The following BTBD1 variants were observed in gnomAD, a reference collection of about 807,000 sequenced individuals.
BTBD1 encodes BTB/POZ domain-containing protein 1.
Under a neutral mutation model 48.0 loss-of-function variants are expected in BTBD1, and 34 were observed. The ratio of observed to expected loss-of-function variants is 0.71; its 90% CI spans 0.54 to 0.94. The LOEUF (loss-of-function observed/expected upper bound fraction) is 0.94. BTBD1 is among the 40% of genes least tolerant of loss of function. The pLI, the probability that BTBD1 is intolerant of heterozygous loss-of-function variation, is 0.00. For synonymous variants in BTBD1, 261 were observed against 242.1 expected (o/e 1.08, Z -0.72); for missense variants, 543 against 625.6 (o/e 0.87, Z 1.41).
chr15:83,051,626 A>G (rs1208900643), intron 2 of BTBD1, among the ~76,000 whole-genome samples: 1 of 151,586 alleles, frequency 6.6e-6, no homozygotes. Flanking sequence ...TTTTAGCACT[A>G]AATAAAAAAT....
intron 4 of BTBD1, chr15:83,030,878 A>G (rs2032502893): frequency 6.6e-6 from 1 of 152,230 alleles, no homozygotes; most frequent in South Asian, 2.1e-4. Context: ...CCAACAAAGG[A>G]CTAATATCCA....
rs1202128521 is a variant in BTBD1, at chr15:83,030,171, G to A, written c.1020C>T (p.Ser340=). Residue 340 remains serine (S), a synonymous_variant, in exon 5 of 8, where the codon AGC becomes AGT. Transcript: ENST00000261721. ...CCINRFQQVE[S]RWGYSGTSDR... The stretch of plus-strand genomic sequence containing the variant: ...CACTCGTCCCACTGTAACCCCAGCG[G>A]CTTTCTACTTGCTGGAATCTATTGA... The A allele has an allele frequency of 3.7e-6, 6 of 1,613,828 alleles. No individual in the cohort carries two copies. The highest frequency in any genetic ancestry group is 1.3e-5 in the African/African-American group (1 of 74,836).
Position 83,067,075 on chromosome 15 carries a change from G to C in BTBD1, c.77C>G (p.Pro26Arg). 6.5e-7 allele frequency: 1 copy of C among 1,549,902 alleles called. No homozygotes were observed. Among genetic ancestry groups the C allele is most frequent in the Non-Finnish European group, 8.7e-7 (1 of 1,153,256 alleles). ...AEAEPGPAGP[P>R]PPPSPSSLGP... Reference sequence around the variant, plus strand: ...CAGAGAGGACGGTGAGGGCGGCGGCGGCGGCCCCGCGGGGCCCGGCTCCGC... The same window carrying C: ...CAGAGAGGACGGTGAGGGCGGCGGCCGCGGCCCCGCGGGGCCCGGCTCCGC... The change falls in exon 1 of 8, where the codon CCG becomes CGG. Residue 26 changes from proline to arginine, a missense_variant. Pro to Arg is a moderately radical substitution (Grantham distance 103). Coordinates refer to ENST00000261721, the MANE Select transcript of BTBD1 (RefSeq NM_025238.4).
At chr15:83,028,336 G>T (rs1245325792) in intron 5 of BTBD1, among the ~76,000 whole-genome samples, 1 of 152,150 alleles carries the variant, frequency 6.6e-6, no homozygotes. Context: ...TTGATCTGTT[G>T]TGAGAATTAT....
chr15:83,025,547 G>A (rs1029151134), intron 5 of BTBD1, among the ~76,000 whole-genome samples: 2 of 151,802 alleles, frequency 1.3e-5, no homozygotes, highest in African/African-American at 2.4e-5. Flanking sequence ...AGTTCTTACT[G>A]GGTTTAATCC....
chr15:83,020,819 AG>A (rs2032280561), intron 5 of BTBD1, 57 bp from the exon 6 acceptor site: 1 of 1,147,518 alleles, frequency 8.7e-7, no homozygotes, highest in Non-Finnish European at 1.3e-6. Context: ...CATATTCTGA[AG>A]GGTTATAATT....
In BTBD1 at chr15:83,051,031, A is replaced by AC. The variant is rs72445168; in HGVS notation, c.559-854_559-853insG. On this transcript the variant is annotated intron_variant, in intron 2 of 7. Transcript: ENST00000261721. ...TACATATGTTATAACCCTCCCCCACAAAAAAAAAAAAAACAGTTTATAAGC... is the reference window on the plus strand; with the variant it reads ...TACATATGTTATAACCCTCCCCCACACAAAAAAAAAAAAACAGTTTATAAGC... 1.2e-3 allele frequency among the ~76,000 whole-genome samples: 117 copies of AC among 98,324 alleles called. 1 individual carries two copies. The East Asian group carries it at 0.022, about 18-fold the overall frequency. The allele number at this position is 98,324 out of a possible 152,430, so 64.5% of individuals were successfully genotyped here. A position where few individuals can be genotyped will look rare whatever the true frequency, so the allele number is the denominator to read the frequency against.
chr15:83,042,001 TATATTA>T (rs2032770960), intron 3 of BTBD1, 76 bp from the exon 4 acceptor site: 2 of 1,251,214 alleles, frequency 1.6e-6, no homozygotes, highest in Non-Finnish European at 2.3e-6. Flanking sequence ...CAGACACACT[TATATTA>T]AGTTTTCAGA....
At chr15:83,044,401 C>G in intron 3 of BTBD1, 1 of 1,558,636 alleles carries the variant, frequency 6.4e-7, no homozygotes, top group East Asian at 2.3e-5. Context: ...AGGAAGATGG[C>G]GCCTGGTGGA....
At chr15:83,052,305 T>A (rs1015482905) in intron 2 of BTBD1, among the ~76,000 whole-genome samples, 1 of 152,096 alleles carries the variant, frequency 6.6e-6, no homozygotes, top group Non-Finnish European at 1.5e-5. Context: ...GTCTCCAACT[T>A]CTGGGCTCAA....
chr15:83,020,320 T>A (rs1211720349), intron 6 of BTBD1: 4 of 170,456 alleles, frequency 2.3e-5, no homozygotes, highest in Non-Finnish European at 3.7e-5. Context: ...CCCTTGGAAG[T>A]CACAGGATGC....
chr15:83,018,237 C>A lies in BTBD1; in HGVS notation c.1291-12G>T, dbSNP rs766256890. On this transcript the variant is annotated splice_polypyrimidine_tract_variant and intron_variant, in intron 7 of 7. Coordinates refer to ENST00000261721, the MANE Select transcript of BTBD1 (RefSeq NM_025238.4). ...TGGGAATCTGGACCCTAAATGAGAACAAAAGGTTCCTTAGTAATTTTCATT... is the reference window on the plus strand; with the variant it reads ...TGGGAATCTGGACCCTAAATGAGAAAAAAAGGTTCCTTAGTAATTTTCATT... 26 of 1,538,964 alleles carry A rather than the reference C, an allele frequency of 1.7e-5. No individual in the cohort carries two copies. The highest frequency in any genetic ancestry group is 2.3e-5 in the Non-Finnish European group (26 of 1,144,116).
rs1385008127 is a variant in BTBD1 at position 83,018,153 on chromosome 15, C to A, written c.1363G>T (p.Val455Phe). 4 of 1,612,624 alleles carry A rather than the reference C, an allele frequency of 2.5e-6. No individual in the cohort carries two copies. The highest frequency in any genetic ancestry group is 3.3e-5 in the Admixed American group (2 of 59,802). ...CCAGGGGAACTAAAAAAGAAAAAAA[C>A]AGTCTTGCTTGCAGCAGGTGTCTCA... ...VHETPAASKT[V>F]FFFFSSPGNN... is the part of the protein sequence containing the mutation. The change falls in exon 8 of 8, where the codon GTT becomes TTT. Residue 455 changes from valine to phenylalanine, a missense_variant. Val to Phe is a conservative substitution (Grantham distance 50). Around this residue, in one of 3 missense-constraint regions of BTBD1, gnomAD observed 300 missense variants for 350.0 expected, o/e 0.86. Coordinates refer to ENST00000261721, the MANE Select transcript of BTBD1 (RefSeq NM_025238.4).
intron 4 of BTBD1, chr15:83,030,537 T>C (rs983449138): frequency 1.2e-5 from 6 of 498,540 alleles, no homozygotes; most frequent in African/African-American, 1.9e-5. Context: ...AAGCATTAAT[T>C]AGTCAAAACT....
At chr15:83,032,961 C>A (rs1447174832) in intron 4 of BTBD1, among the ~76,000 whole-genome samples, 1 of 96,720 alleles carries the variant, frequency 1.0e-5, no homozygotes, top group Non-Finnish European at 1.9e-5. Flanking sequence ...GACAGTCTTA[C>A]TCTGTCTCAA....
chr15:83,038,009 G>A (rs966771918), intron 4 of BTBD1, among the ~76,000 whole-genome samples: 2 of 152,222 alleles, frequency 1.3e-5, no homozygotes, highest in South Asian at 2.1e-4. Context: ...TCTTGAACCC[G>A]GGAGGCAGAG....
intron 2 of BTBD1, among the ~76,000 whole-genome samples, chr15:83,054,855 C>G (rs1172292878): frequency 6.6e-6 from 1 of 152,024 alleles, no homozygotes; most frequent in South Asian, 2.1e-4. Flanking sequence ...CCACCGCGCC[C>G]GGCTGGTACC....
intron 5 of BTBD1, among the ~76,000 whole-genome samples, chr15:83,024,540 G>GT (rs2151300263): frequency 6.6e-6 from 1 of 152,274 alleles, no homozygotes; most frequent in South Asian, 2.1e-4. Context: ...TTTCAGTTTT[G>GT]TTTAATGTTA....
chr15:83,053,017 C>A (rs988770810), intron 2 of BTBD1, among the ~76,000 whole-genome samples: 5 of 151,896 alleles, frequency 3.3e-5, no homozygotes, highest in African/African-American at 1.2e-4. Context: ...CTAGGAAAAA[C>A]AATTTTCTAT....
Sources: gnomAD v4.1 joint callset for allele counts (sites outside exome capture counted in the v4.1 genomes callset) on GRCh38, gnomAD v4.1.1 for gene constraint, gnomAD v4.1.1 regional missense constraint, MANE v1.5 for transcripts, NCBI Gene and HGNC (gene_info 2026-07-23, HGNC 2026-07-21) for gene names.